Variants in RBFOX1 observed in about 807,000 individuals in gnomAD.
RBFOX1 encodes the protein RNA binding fox-1 homolog 1, also known as RNA binding protein fox-1 homolog 1.
In RBFOX1, 8 loss-of-function variants were observed where a neutral mutation model predicts 57.7. The ratio of observed to expected loss-of-function variants is 0.14; its 90% CI spans 0.08 to 0.25. The LOEUF is 0.25. RBFOX1 is among the 10% of genes least tolerant of loss of function. The pLI is 1.00. For synonymous variants in RBFOX1, 326 were observed against 222.4 expected, an observed-to-expected ratio of 1.47 and a Z score of -4.15; for missense variants, 611 against 548.5, an observed-to-expected ratio of 1.11 and a Z score of -1.14.
In RBFOX1 at chr16:5,657,648, CTTTCTTTTCTTTTCTTTCTTTCTTTTCT is replaced by C. The variant is rs1336084216; in HGVS notation, c.318+58695_318+58722del. Among the ~76,000 whole-genome samples the C allele has an allele frequency of 3.1e-3, 425 of 137,232 alleles. 7 individuals are homozygous for C. The highest frequency in any genetic ancestry group is 0.01 in the African/African-American group (372 of 36,238). The allele number at this position is 137,232 out of a possible 152,430, so 90.0% of individuals were successfully genotyped here. ...TCTTTCTTTCTTTCTTTCTTTCTTT[CTTTCTTTTCTTTTCTTTCTTTCTTTTCT>C]TTTCTTTCTTTCTTTCTTTCTCCTT... On this transcript the variant is annotated intron_variant, in intron 3 of 19. Transcript: ENST00000641259.
chr16:5,482,202 G>C (rs1482166315), intron 2 of RBFOX1, among the ~76,000 whole-genome samples: 1 of 152,148 alleles, frequency 6.6e-6, no homozygotes, highest in Admixed American at 6.5e-5. Flanking sequence ...TTTTGTTCCA[G>C]ATGAGCCATG....
chr16:6,905,266 A>C (rs2069556760), intron 3 of RBFOX1, among the ~76,000 whole-genome samples: 1 of 152,052 alleles, frequency 6.6e-6, no homozygotes, highest in African/African-American at 2.4e-5. Flanking sequence ...AATTAAAAAA[A>C]AGAATGGCTG....
At chr16:7,515,478 TACACAC>T (rs144695101) in intron 4 of RBFOX1, among the ~76,000 whole-genome samples, 11 of 146,790 alleles carry the variant, frequency 7.5e-5, no homozygotes, top group Middle Eastern at 3.6e-3. Context: ...CACACACACA[TACACAC>T]ACACACACAC....
intron 1 of RBFOX1, among the ~76,000 whole-genome samples, chr16:5,247,583 G>A (rs2062334196): frequency 1.3e-5 from 2 of 152,190 alleles, no homozygotes; most frequent in African/African-American, 2.4e-5. Flanking sequence ...GCCAGAGACA[G>A]CCCCCTGCCT....
In RBFOX1 at chr16:5,954,312, C is replaced by G. The variant is rs182793005; in HGVS notation, c.351+86977C>G. Among the ~76,000 whole-genome samples the G allele has an allele frequency of 4.6e-5, 7 of 152,298 alleles. No homozygotes were observed. In the East Asian group the frequency reaches 1.4e-3, roughly 29 times the overall value. On this transcript the variant is annotated intron_variant, in intron 4 of 19. Coordinates refer to the RBFOX1 transcript ENST00000641259. ...ATGGACAGGCCCTCAGGTGAGCATC[C>G]TCCTGTCTAACTCAGGCCGGGTGGG...
rs112068419 is a variant in RBFOX1, at chr16:6,698,320, T to C, written c.-16+43670T>C. 2.9e-3 allele frequency among the ~76,000 whole-genome samples: 434 copies of C among 152,274 alleles called. 4 individuals are homozygous for C. Among genetic ancestry groups the C allele is most frequent in the African/African-American group, 9.8e-3 (409 of 41,560 alleles). ...TAAACCAGTCCATTTTTCTAAGATA[T>C]ATGAGGATGTGGGAAAGTCTGCATT... On this transcript the variant is annotated intron_variant, in intron 3 of 15. Transcript: ENST00000550418.
chr16:6,525,555 C>T (rs2096566729), intron 2 of RBFOX1, among the ~76,000 whole-genome samples: 2 of 152,170 alleles, frequency 1.3e-5, no homozygotes, highest in African/African-American at 2.4e-5. Context: ...TTCTAAAGAA[C>T]AGAAATTTAT....
At chr16:5,612,752 A>C (rs2047870538) in intron 3 of RBFOX1, among the ~76,000 whole-genome samples, 1 of 152,202 alleles carries the variant, frequency 6.6e-6, no homozygotes, top group Non-Finnish European at 1.5e-5. Flanking sequence ...GAGTTCAGGG[A>C]GGAGGAGCAT....
intron 4 of RBFOX1, among the ~76,000 whole-genome samples, chr16:7,280,555 G>A (rs2095520981): frequency 6.6e-6 from 1 of 152,140 alleles, no homozygotes; most frequent in South Asian, 2.1e-4. Flanking sequence ...AAGACCACTA[G>A]GGCTGTAGTC....
intron 3 of RBFOX1, among the ~76,000 whole-genome samples, chr16:6,787,655 A>C (rs7188091): frequency 0.021 from 3,225 of 152,218 alleles, 76 homozygotes; most frequent in African/African-American, 0.06. Flanking sequence ...CGTTATTACA[A>C]GATGAAAGAG....
chr16:5,983,969 TTCC>T (rs1211418261), intron 4 of RBFOX1, among the ~76,000 whole-genome samples: 2 of 135,200 alleles, frequency 1.5e-5, no homozygotes, highest in Non-Finnish European at 3.1e-5. Context: ...TTCTTCCTTC[TTCC>T]TCTTCTTCTT....
At chr16:7,054,334 G>T (rs1282104261) in intron 4 of RBFOX1, among the ~76,000 whole-genome samples, 1 of 139,804 alleles carries the variant, frequency 7.2e-6, no homozygotes, top group Non-Finnish European at 1.5e-5. Context: ...CTGACTCCCT[G>T]GTTTAAGCAA....
intron 4 of RBFOX1, among the ~76,000 whole-genome samples, chr16:7,259,199 C>G (rs1459823016): frequency 6.6e-6 from 1 of 152,144 alleles, no homozygotes; most frequent in African/African-American, 2.4e-5. Flanking sequence ...GAAGTTATCA[C>G]TTGAGTAAGG....
chr16:7,259,171 C>T (rs2094817474), intron 4 of RBFOX1, among the ~76,000 whole-genome samples: 1 of 152,142 alleles, frequency 6.6e-6, no homozygotes, highest in Non-Finnish European at 1.5e-5. Flanking sequence ...CATGACCTCT[C>T]CTCCACCATC....
At chr16:6,715,390 G>C (rs1006807084) in intron 3 of RBFOX1, among the ~76,000 whole-genome samples, 1 of 152,040 alleles carries the variant, frequency 6.6e-6, no homozygotes, top group African/African-American at 2.4e-5. Context: ...GCTTTATCTT[G>C]CTGCATTATA....
chr16:5,464,178 G>C (rs563781920), intron 1 of RBFOX1, among the ~76,000 whole-genome samples: 1 of 152,200 alleles, frequency 6.6e-6, no homozygotes. Flanking sequence ...GTGTGGAGTT[G>C]ATAATGTCTG....
At chr16:7,435,704 G>C (rs1421939809) in intron 4 of RBFOX1, among the ~76,000 whole-genome samples, 2 of 152,192 alleles carry the variant, frequency 1.3e-5, no homozygotes, top group Admixed American at 6.5e-5. Flanking sequence ...TTAGCTGTAG[G>C]TTTTGGCCTT....
intron 2 of RBFOX1, among the ~76,000 whole-genome samples, chr16:6,506,146 C>A (rs948508554): frequency 6.6e-6 from 1 of 152,158 alleles, no homozygotes; most frequent in Non-Finnish European, 1.5e-5. Flanking sequence ...AAATGAGAAA[C>A]AGTTAATTTA....
intron 3 of RBFOX1, among the ~76,000 whole-genome samples, chr16:5,626,628 A>G (rs939061720): frequency 6.6e-6 from 1 of 152,098 alleles, no homozygotes; most frequent in Non-Finnish European, 1.5e-5. Context: ...TTCTCCCGCC[A>G]TGGGAATAAG....
Sources: allele counts gnomAD v4.1 joint callset (sites outside exome capture counted in the v4.1 genomes callset), GRCh38; gene constraint gnomAD v4.1.1; transcripts MANE v1.5; gene names NCBI Gene and HGNC (gene_info 2026-07-23, HGNC 2026-07-21).